Variants in KDM4C observed in about 807,000 individuals in gnomAD.
KDM4C encodes lysine demethylase 4C, also known as lysine-specific demethylase 4C.
Under a neutral mutation model 129.3 loss-of-function variants are expected in KDM4C, and 81 were observed. That is an observed-to-expected ratio of 0.63 (90% CI 0.52 to 0.75). The LOEUF is 0.75. Among genes scored for constraint, KDM4C ranks in the 30% least tolerant of loss-of-function variants. The pLI, the probability that KDM4C is intolerant of heterozygous loss-of-function variation, is 0.00. For synonymous variants in KDM4C, 573 were observed against 456.1 expected, an observed-to-expected ratio of 1.26 and a Z score of -3.26; for missense variants, 1,457 against 1,304.0, an observed-to-expected ratio of 1.12 and a Z score of -1.81.
At chr9:7,152,381 A>G (rs917778931) in intron 19 of KDM4C, among the ~76,000 whole-genome samples, 14 of 152,376 alleles carry the variant, frequency 9.2e-5, no homozygotes, top group Middle Eastern at 3.4e-3. Flanking sequence ...GATAATTAAT[A>G]GCTAACAAAA....
At chr9:7,040,854 C>T (rs896768260) in intron 15 of KDM4C, among the ~76,000 whole-genome samples, 1 of 151,306 alleles carries the variant, frequency 6.6e-6, no homozygotes. Context: ...GCTATGTAGC[C>T]AGGTATGTTT....
chr9:7,129,654 G>A (rs1411003128), intron 19 of KDM4C, among the ~76,000 whole-genome samples: 1 of 152,050 alleles, frequency 6.6e-6, no homozygotes, highest in East Asian at 1.9e-4. Flanking sequence ...TGGGAGGTAG[G>A]CGGGTAAATG....
intron 13 of KDM4C, among the ~76,000 whole-genome samples, chr9:7,012,267 C>G (rs375314940): frequency 2.6e-5 from 4 of 152,202 alleles, no homozygotes; most frequent in African/African-American, 9.6e-5. Context: ...TTTGTAGCGA[C>G]TGGGTCTTAC....
chr9:7,172,684 G>T (rs562352201), intron 21 of KDM4C, among the ~76,000 whole-genome samples: 1 of 152,332 alleles, frequency 6.6e-6, no homozygotes, highest in Admixed American at 6.5e-5. Flanking sequence ...CCATGAACTG[G>T]CTGGAAACAT....
At position 6,952,824 on chromosome 9, in the gene KDM4C, A is replaced by G. The variant is rs142104386; in HGVS notation, c.922-28101A>G. ...TCTTAGAAAGATGAACGTAAGATAA[A>G]TAGGTTAAATGTGGTTCTCTATAAG... On this transcript the variant is annotated intron_variant, in intron 8 of 21. Coordinates refer to ENST00000381309, the MANE Select transcript of KDM4C (RefSeq NM_015061.6). Among the ~76,000 whole-genome samples, 168 of 152,304 alleles carry G rather than the reference A, an allele frequency of 1.1e-3. 1 individual carries two copies. The highest frequency in any genetic ancestry group is 3.0e-3 in the African/African-American group (125 of 41,562).
At chr9:7,014,624 C>T (rs1380115473) in intron 14 of KDM4C, among the ~76,000 whole-genome samples, 1 of 152,098 alleles carries the variant, frequency 6.6e-6, no homozygotes, top group Non-Finnish European at 1.5e-5. Flanking sequence ...TCATATAATA[C>T]AACTCTATTT....
intron 17 of KDM4C, among the ~76,000 whole-genome samples, chr9:7,086,537 C>A (rs758689923): frequency 2.0e-5 from 3 of 152,160 alleles, no homozygotes; most frequent in Non-Finnish European, 2.9e-5. Context: ...TTCTCAGTTC[C>A]AGTCCATCTG....
In KDM4C at chr9:6,942,282, A is replaced by AGTGTGTGTGTGTGTGTGT. The variant is rs58676459; in HGVS notation, c.922-38620_922-38603dup. Among the ~76,000 whole-genome samples, 34 of 142,712 alleles carry AGTGTGTGTGTGTGTGTGT rather than the reference A, an allele frequency of 2.4e-4. No individual in the cohort carries two copies. The East Asian group carries it at 2.5e-3, about 11-fold the overall frequency. 93.6% of individuals were successfully genotyped at this position (142,712 alleles called of 152,430 possible). ...TTCTTTCTCATGTTCTAGCCCTCAA[A>AGTGTGTGTGTGTGTGTGT]GTGTGTGTGTGTGTGTGTGTGTGTG... On this transcript the variant is annotated intron_variant, in intron 8 of 21. Transcript: ENST00000381309.
chr9:7,048,329 TC>T (rs1317762559), intron 16 of KDM4C, among the ~76,000 whole-genome samples: 1 of 152,070 alleles, frequency 6.6e-6, no homozygotes, highest in Non-Finnish European at 1.5e-5. Context: ...CAGGATAGAG[TC>T]TGATACTGTT....
At chr9:7,064,258 C>G (rs1354029237) in intron 17 of KDM4C, among the ~76,000 whole-genome samples, 3 of 152,076 alleles carry the variant, frequency 2.0e-5, no homozygotes, top group Non-Finnish European at 4.4e-5. Context: ...TGTAAAATAT[C>G]TCACTGATTA....
intron 15 of KDM4C, among the ~76,000 whole-genome samples, chr9:7,042,765 A>G (rs1487794911): frequency 6.6e-6 from 1 of 151,982 alleles, no homozygotes; most frequent in Non-Finnish European, 1.5e-5. Flanking sequence ...GGGGCAGAAG[A>G]TGTTAGAGAA....
intron 5 of KDM4C, among the ~76,000 whole-genome samples, chr9:6,858,434 C>G (rs1043957891): frequency 2.0e-5 from 3 of 151,948 alleles, no homozygotes; most frequent in Admixed American, 6.6e-5. Context: ...AGGGAAAAAC[C>G]AGAATGTTTA....
At chr9:6,877,891 G>A (rs899036398) in intron 5 of KDM4C, among the ~76,000 whole-genome samples, 1 of 152,184 alleles carries the variant, frequency 6.6e-6, no homozygotes, top group African/African-American at 2.4e-5. Flanking sequence ...CTCGGGCAGG[G>A]TTTTGGGCTC....
chr9:6,805,989 C>T (rs1452818340), intron 3 of KDM4C, among the ~76,000 whole-genome samples: 5 of 152,122 alleles, frequency 3.3e-5, no homozygotes, highest in Admixed American at 3.3e-4. Context: ...TCGTTCCTAG[C>T]AGTTATAAGT....
chr9:6,844,300 T>A (rs1005435495), intron 4 of KDM4C, among the ~76,000 whole-genome samples: 2 of 152,216 alleles, frequency 1.3e-5, no homozygotes, highest in Non-Finnish European at 2.9e-5. Flanking sequence ...TTTAGTGACA[T>A]AATCAAATTA....
intron 1 of KDM4C, among the ~76,000 whole-genome samples, chr9:6,734,356 G>A (rs1053380392): frequency 1.4e-5 from 2 of 147,764 alleles, no homozygotes; most frequent in African/African-American, 2.5e-5. Flanking sequence ...GTGCAATGGC[G>A]TGGTCTCAGC....
intron 9 of KDM4C, chr9:6,982,492 A>ATG (rs945773320): frequency 3.3e-5 from 5 of 152,192 alleles, no homozygotes; most frequent in Admixed American, 2.6e-4. Context: ...CACTCATGAC[A>ATG]TGTGTGAGTA....
In KDM4C at chr9:6,848,537, C is replaced by T. The variant is rs1189078966; in HGVS notation, c.436-970C>T. 2.0e-5 allele frequency among the ~76,000 whole-genome samples: 3 copies of T among 152,140 alleles called. No homozygotes were observed. The East Asian group carries it at 5.8e-4, about 30-fold the overall frequency. On this transcript the variant is annotated intron_variant, in intron 4 of 21. Transcript: ENST00000381309. ...ACGAAACATTAGGTGGGTGCGGTGG[C>T]CTACGCCTGTAGGTCCAGCTGTGTG...
chr9:7,013,576 G>A (rs1350796257), intron 13 of KDM4C, among the ~76,000 whole-genome samples: 1 of 152,150 alleles, frequency 6.6e-6, no homozygotes, highest in Non-Finnish European at 1.5e-5. Context: ...CAGACATATA[G>A]AATATTGTCC....
Sources: gnomAD v4.1 joint callset for allele counts (sites outside exome capture counted in the v4.1 genomes callset) on GRCh38, gnomAD v4.1.1 for gene constraint, MANE v1.5 for transcripts, NCBI Gene and HGNC (gene_info 2026-07-23, HGNC 2026-07-21) for gene names.